The following OR2L13 variants were observed in gnomAD, a reference collection of about 807,000 sequenced individuals.
The protein encoded by OR2L13 is olfactory receptor family 2 subfamily L member 13.
OR2L13 carries 14 observed loss-of-function variants against 15.3 expected under a neutral mutation model. The ratio of observed to expected loss-of-function variants is 0.91; its 90% CI spans 0.60 to 1.43. OR2L13 has a LOEUF of 1.43. Ranked by LOEUF, OR2L13 falls within the 40% of genes most tolerant of loss-of-function variation. The pLI is 0.00. For missense variants in OR2L13, 367 were observed against 387.9 expected (o/e 0.95, Z 0.45); for synonymous variants, 152 against 142.9 (o/e 1.06, Z -0.45).
At chr1:248,084,046 G>A in the OR2L13 span, 7 of 1,611,040 alleles carry the variant, frequency 4.3e-6, no homozygotes, top group East Asian at 4.5e-5. Flanking sequence ...CAAGCCAAAC[G>A]CACCAGCACG....
the OR2L13 span, among the ~76,000 whole-genome samples, chr1:248,037,201 A>G: frequency 6.6e-6 from 1 of 152,204 alleles, no homozygotes; most frequent in Non-Finnish European, 1.5e-5. Context: ...TAAGTAGAAG[A>G]ACCAAATAAT....
chr1:248,076,050 T>C, the OR2L13 span, among the ~76,000 whole-genome samples: 1 of 152,196 alleles, frequency 6.6e-6, no homozygotes, highest in South Asian at 2.1e-4. Flanking sequence ...GGGATCCAGT[T>C]TCAGCTTTCT....
the OR2L13 span, among the ~76,000 whole-genome samples, chr1:248,065,828 C>T: frequency 1.8e-4 from 27 of 151,490 alleles, no homozygotes; most frequent in South Asian, 2.1e-4. Flanking sequence ...GTTTATTAGT[C>T]TGAGCTGAAA....
chr1:248,099,650 C>T (rs866115964), exon 3 of OR2L13: 2 of 1,614,166 alleles, frequency 1.2e-6, no homozygotes, highest in South Asian at 1.1e-5. Context: ...AAAGGCATCT[C>T]CTTCCTGGGA....
chr1:247,986,012 C>T, the OR2L13 span, among the ~76,000 whole-genome samples: 5,911 of 152,156 alleles, frequency 0.039, 354 homozygotes, highest in African/African-American at 0.13. Context: ...GATATTAGCC[C>T]TTTGTCAGAT....
At chr1:248,085,836 G>T in the OR2L13 span, among the ~76,000 whole-genome samples, 1 of 152,124 alleles carries the variant, frequency 6.6e-6, no homozygotes, top group African/African-American at 2.4e-5. Context: ...CTCATAAGGA[G>T]CATGCGATCT....
At chr1:247,972,293 G>C in the OR2L13 span, among the ~76,000 whole-genome samples, 1 of 152,112 alleles carries the variant, frequency 6.6e-6, no homozygotes, top group Non-Finnish European at 1.5e-5. Context: ...AAGAGATGGA[G>C]ACATGAAAAA....
chr1:247,962,545 T>C, the OR2L13 span, among the ~76,000 whole-genome samples: 1 of 152,252 alleles, frequency 6.6e-6, no homozygotes, highest in South Asian at 2.1e-4. Flanking sequence ...GGTTTATCCC[T>C]ATTTGCCCTA....
chr1:248,014,368 A>C, the OR2L13 span, among the ~76,000 whole-genome samples: 1 of 152,124 alleles, frequency 6.6e-6, no homozygotes, highest in African/African-American at 2.4e-5. Context: ...ATAAATAATT[A>C]AGGAAACCAT....
chr1:248,022,714 A>C, the OR2L13 span: 2 of 1,614,174 alleles, frequency 1.2e-6, no homozygotes, highest in Non-Finnish European at 1.7e-6. Context: ...CCCTTTGCTT[A>C]TACCTATCTA....
At chr1:248,053,802 G>T in the OR2L13 span, among the ~76,000 whole-genome samples, 4 of 152,202 alleles carry the variant, frequency 2.6e-5, no homozygotes, top group African/African-American at 9.6e-5. Context: ...TTTTAATGGG[G>T]TTGTTTGTTC....
At chr1:247,999,370 G>A in the OR2L13 span, among the ~76,000 whole-genome samples, 2 of 152,172 alleles carry the variant, frequency 1.3e-5, no homozygotes, top group South Asian at 4.1e-4. Context: ...ATCTATCTGT[G>A]AGAGCTGATG....
the OR2L13 span, among the ~76,000 whole-genome samples, chr1:247,950,134 C>T: frequency 0.5 from 75,864 of 151,618 alleles, 22,006 homozygotes; most frequent in Non-Finnish European, 0.64. Context: ...ATTTATTTTC[C>T]AGTAATTAAA....
At chr1:247,964,501 T>A in the OR2L13 span, among the ~76,000 whole-genome samples, 29 of 152,342 alleles carry the variant, frequency 1.9e-4, no homozygotes, top group African/African-American at 6.7e-4. Flanking sequence ...AAATTTATCA[T>A]CCACACAATT....
chr1:247,943,953 C>T, the OR2L13 span, among the ~76,000 whole-genome samples: 45 of 152,236 alleles, frequency 3.0e-4, no homozygotes, highest in African/African-American at 9.6e-4. Context: ...CCCTTCTCCA[C>T]GAGTGGACTT....
At chr1:247,970,905 C>G in the OR2L13 span, among the ~76,000 whole-genome samples, 1 of 152,142 alleles carries the variant, frequency 6.6e-6, no homozygotes, top group African/African-American at 2.4e-5. Context: ...CTGGCCCTTT[C>G]TGAAAGAACC....
the OR2L13 span, among the ~76,000 whole-genome samples, chr1:247,937,728 G>A: frequency 3.9e-5 from 6 of 152,400 alleles, no homozygotes; most frequent in South Asian, 6.2e-4. Context: ...ACTCCCCTGA[G>A]CGCCTCTCCC....
chr1:247,945,616 T>C, the OR2L13 span, among the ~76,000 whole-genome samples: 1 of 152,268 alleles, frequency 6.6e-6, no homozygotes, highest in Admixed American at 6.5e-5. Flanking sequence ...CCCGCTATTA[T>C]TGTGTGGGAG....
At chr1:247,968,470 T>C in the OR2L13 span, among the ~76,000 whole-genome samples, 1 of 152,058 alleles carries the variant, frequency 6.6e-6, no homozygotes, top group Non-Finnish European at 1.5e-5. Flanking sequence ...CATTAGATAT[T>C]TCTCCTAGTG....
Sources: gnomAD v4.1 joint callset for allele counts (sites outside exome capture counted in the v4.1 genomes callset) on GRCh38, gnomAD v4.1.1 for gene constraint, MANE v1.5 for transcripts, NCBI Gene and HGNC (gene_info 2026-07-23, HGNC 2026-07-21) for gene names.